The following DLG5 variants were observed in gnomAD, a reference collection of about 807,000 sequenced individuals.
DLG5 encodes discs large MAGUK scaffold protein 5.
Under a neutral mutation model 189.8 loss-of-function variants are expected in DLG5, and 48 were observed. The ratio of observed to expected loss-of-function variants is 0.25; its 90% CI spans 0.20 to 0.32. DLG5 has a LOEUF of 0.32. Ranked by LOEUF, DLG5 falls within the 10% of genes least tolerant of loss-of-function variation. DLG5 has a pLI of 1.00. For missense variants in DLG5, 2,160 were observed against 2,544.7 expected (o/e 0.85, Z 3.25); for synonymous variants, 1,016 against 1,054.1 (o/e 0.96, Z 0.70).
intron 24 of DLG5, among the ~76,000 whole-genome samples, chr10:77,809,323 T>G (rs1841638677): frequency 6.6e-6 from 1 of 152,158 alleles, no homozygotes; most frequent in Admixed American, 6.5e-5. Context: ...GGAGAATCGC[T>G]TGAACCTGGG....
chr10:77,803,885 CATTT>C, intron 27 of DLG5, among the ~76,000 whole-genome samples: 1 of 109,302 alleles, frequency 9.1e-6, no homozygotes, highest in East Asian at 2.8e-4. Context: ...AACAGGTTGG[CATTT>C]TTTTTTTTTT....
In DLG5 at chr10:77,926,429, T is replaced by A. The variant is rs1407763540; in HGVS notation, c.92A>T (p.Glu31Val). 6.4e-7 allele frequency: 1 copy of A among 1,572,472 alleles called. No homozygotes were observed. The highest frequency in any genetic ancestry group is 8.6e-7 in the Non-Finnish European group (1 of 1,161,864). Residue 31 changes from glutamate (E) to valine (V), a missense_variant, in exon 1 of 32, where the codon GAG (glutamate) becomes GTG (valine). Transcript: ENST00000372391. The surrounding 1 kb of genome is among the most constrained non-coding windows in gnomAD (Gnocchi z 5.2). ...TEVEAVLGLL[E>V]AAGALSPGER... Reference sequence around the variant, plus strand: ...GCCGGGACTGAGCGCTCCCGCGGCCTCGAGCAGCCCGAGCACGGCTTCCAC... The same window carrying A: ...GCCGGGACTGAGCGCTCCCGCGGCCACGAGCAGCCCGAGCACGGCTTCCAC...
intron 1 of DLG5, among the ~76,000 whole-genome samples, chr10:77,917,399 C>T (rs1285366255): frequency 6.6e-6 from 1 of 151,622 alleles, no homozygotes; most frequent in Non-Finnish European, 1.5e-5. Context: ...GCCTATAGTC[C>T]CTGCTACTCG....
intron 1 of DLG5, among the ~76,000 whole-genome samples, chr10:77,886,803 G>T (rs961305974): frequency 2.0e-5 from 3 of 152,100 alleles, no homozygotes; most frequent in African/African-American, 7.2e-5. Context: ...CATGAGGGTG[G>T]GCCCTAATCC....
intron 8 of DLG5, among the ~76,000 whole-genome samples, chr10:77,835,332 T>C (rs1843072655): frequency 6.6e-6 from 1 of 152,164 alleles, no homozygotes; most frequent in Non-Finnish European, 1.5e-5. Context: ...CTGCCGTGCC[T>C]GACCAAGCCT....
At chr10:77,827,026 C>T (rs767129062) in intron 13 of DLG5, among the ~76,000 whole-genome samples, 4 of 152,118 alleles carry the variant, frequency 2.6e-5, no homozygotes, top group Non-Finnish European at 4.4e-5. Context: ...GTTACCTCAA[C>T]CCCCCAAAAA....
intron 3 of DLG5, among the ~76,000 whole-genome samples, chr10:77,854,913 C>G (rs1231844761): frequency 6.6e-6 from 1 of 151,714 alleles, no homozygotes; most frequent in Non-Finnish European, 1.5e-5. Flanking sequence ...CACTTGAGCC[C>G]AGGAGGTCGA....
chr10:77,903,532 C>T (rs902952521), intron 1 of DLG5, among the ~76,000 whole-genome samples: 10 of 150,944 alleles, frequency 6.6e-5, no homozygotes, highest in African/African-American at 2.0e-4. Context: ...GCAGGAGAAT[C>T]GCTTGAACCT....
chr10:77,802,932 A>G lies in DLG5; in HGVS notation c.5164+2733T>C, dbSNP rs114505148. Among the ~76,000 whole-genome samples the G allele has an allele frequency of 3.7e-3, 570 of 152,264 alleles. 3 individuals are homozygous for G. Among genetic ancestry groups the G allele is most frequent in the African/African-American group, 0.013 (536 of 41,568 alleles). ...AAAATAATAAAAAAATAAAATGCGA[A>G]TAGTATCAAAGTTAGAAAAGAGATA... is the stretch of plus-strand genomic sequence containing the variant. On this transcript the variant is annotated intron_variant, in intron 27 of 31. Transcript: ENST00000372391.
chr10:77,921,726 G>A (rs1846540287), intron 1 of DLG5, among the ~76,000 whole-genome samples: 1 of 152,166 alleles, frequency 6.6e-6, no homozygotes. Flanking sequence ...GCACATTCGT[G>A]AAGCTCTCCT....
intron 2 of DLG5, among the ~76,000 whole-genome samples, chr10:77,864,074 T>C (rs1465779980): frequency 6.6e-6 from 1 of 152,152 alleles, no homozygotes; most frequent in Non-Finnish European, 1.5e-5. Flanking sequence ...AGTGTCCCCA[T>C]CACAGGAATC....
At chr10:77,877,633 G>A (rs116976309) in intron 1 of DLG5, among the ~76,000 whole-genome samples, 54 of 152,252 alleles carry the variant, frequency 3.5e-4, no homozygotes, top group Non-Finnish European at 5.3e-4. Flanking sequence ...ACCACCTCTC[G>A]GTTCCTGCTT....
intron 15 of DLG5, chr10:77,820,312 C>A: frequency 3.9e-6 from 1 of 257,308 alleles, no homozygotes; most frequent in Non-Finnish European, 7.4e-6. Flanking sequence ...CACCACTGTA[C>A]TCCAGCCTGG....
chr10:77,807,685 G>T, intron 25 of DLG5, 111 bp downstream of exon 25: 1 of 1,285,394 alleles, frequency 7.8e-7, no homozygotes, highest in Non-Finnish European at 1.1e-6. Context: ...GATGATCATG[G>T]CCCCAGCCTT....
chr10:77,836,057 C>T (rs1843119208), intron 7 of DLG5, 135 bp from the exon 8 acceptor site: 3 of 869,828 alleles, frequency 3.4e-6, no homozygotes, highest in Non-Finnish European at 3.4e-6. Flanking sequence ...CATCGCAGCA[C>T]ACCCCATACC....
At chr10:77,889,331 A>G (rs1467465680) in intron 1 of DLG5, 1 of 150,352 alleles carries the variant, frequency 6.7e-6, no homozygotes, top group Non-Finnish European at 1.5e-5. Context: ...TGTGCTCCCC[A>G]TTATCAGAGA....
chr10:77,792,873 G>A (rs1254801023), intron 31 of DLG5: 1 of 327,268 alleles, frequency 3.1e-6, no homozygotes, highest in South Asian at 3.9e-5. Flanking sequence ...GATTCTGCAG[G>A]AAACGACAAG....
At chr10:77,895,825 C>T (rs1336278963) in intron 1 of DLG5, among the ~76,000 whole-genome samples, 1 of 152,168 alleles carries the variant, frequency 6.6e-6, no homozygotes, top group African/African-American at 2.4e-5. Context: ...GCCTGGCCAA[C>T]ATGGTGAAAC....
rs533776648 is a variant in DLG5 at position 77,846,696 on chromosome 10, CA to C, written c.865-2991del. On this transcript the variant is annotated intron_variant, in intron 5 of 31. Coordinates refer to ENST00000372391, the MANE Select transcript of DLG5 (RefSeq NM_004747.4). ...TTGGCGACAGAGAAATATTCTGTCT[CA>C]AAAAAAAAAATTACCTCAAATGTTT... 1,838 of 343,492 alleles carry C rather than the reference CA, an allele frequency of 5.4e-3. 1 individual carries two copies. Among genetic ancestry groups the C allele is most frequent in the South Asian group, 8.2e-3 (360 of 43,950 alleles). 21.3% of individuals were successfully genotyped at this position (343,492 alleles called of 1,614,324 possible). A position where few individuals can be genotyped will look rare whatever the true frequency, so the allele number is the denominator to read the frequency against.
Sources: gnomAD v4.1 joint callset for allele counts (sites outside exome capture counted in the v4.1 genomes callset) on GRCh38, gnomAD v4.1.1 for gene constraint, Gnocchi (gnomAD v3.1) non-coding constraint, MANE v1.5 for transcripts, NCBI Gene and HGNC (gene_info 2026-07-23, HGNC 2026-07-21) for gene names.